CYP2B6: variants seen among roughly 807,000 people sequenced by gnomAD.
CYP2B6 encodes cytochrome P450 family 2 subfamily B member 6, also known as cytochrome P450 2B6.
CYP2B6 carries 35 observed loss-of-function variants against 43.4 expected under a neutral mutation model. The ratio of observed to expected loss-of-function variants is 0.81; its 90% confidence interval spans 0.62 to 1.07. The LOEUF (loss-of-function observed/expected upper bound fraction) is 1.07, where lower values mean the gene tolerates loss of function less well. Ranked by LOEUF, CYP2B6 falls within the 50% of genes least tolerant of loss-of-function variation. CYP2B6 has a pLI of 0.00. For missense variants in CYP2B6, 624 were observed against 632.8 expected (o/e 0.99, Z 0.15); for synonymous variants, 239 against 239.2 (o/e 1.00, Z 0.01).
intron 1 of CYP2B6, among the ~76,000 whole-genome samples, chr19:41,002,966 T>A (rs1454747046): frequency 2.0e-5 from 3 of 152,164 alleles, no homozygotes; most frequent in Admixed American, 1.3e-4. Flanking sequence ...CTGTGGTTTG[T>A]TCTTTTTTGT....
At chr19:40,994,343 G>T (rs1237284836) in intron 1 of CYP2B6, among the ~76,000 whole-genome samples, 3 of 151,952 alleles carry the variant, frequency 2.0e-5, no homozygotes, top group East Asian at 3.9e-4. Context: ...TGGAAAAGAG[G>T]GTCACCTACT....
At chr19:40,993,966 A>G (rs750381830) in intron 1 of CYP2B6, among the ~76,000 whole-genome samples, 2 of 151,984 alleles carry the variant, frequency 1.3e-5, no homozygotes, top group Non-Finnish European at 2.9e-5. Flanking sequence ...CAGTTTGGAG[A>G]GTGGCTTCTA....
chr19:41,011,060 A>G (rs1396217465), intron 6 of CYP2B6, among the ~76,000 whole-genome samples: 1 of 152,196 alleles, frequency 6.6e-6, no homozygotes, highest in African/African-American at 2.4e-5. Flanking sequence ...TTGATCCACA[A>G]GTTGATCCTT....
intron 2 of CYP2B6, 65 bp downstream of exon 2, chr19:41,004,228 G>A (rs1969140411): frequency 1.2e-6 from 2 of 1,612,354 alleles, no homozygotes; most frequent in African/African-American, 2.7e-5. Flanking sequence ...GAGTATATGG[G>A]AGGAAGAAGG....
intron 1 of CYP2B6, among the ~76,000 whole-genome samples, chr19:40,995,106 T>A (rs1369510643): frequency 6.6e-6 from 1 of 152,106 alleles, no homozygotes; most frequent in Admixed American, 6.5e-5. Flanking sequence ...GTCCTATGGA[T>A]TTTCTTGTAA....
At position 41,012,350 on chromosome 19, in the gene CYP2B6, G is replaced by A. The variant is rs142806708; in HGVS notation, c.1017G>A (p.Glu339=). 2.4e-4 allele frequency: 390 copies of A among 1,614,050 alleles called. No homozygotes were observed. The African/African-American group carries it at 4.3e-3, about 18-fold the overall frequency. ...TGATTGGCCCACATCGCCCTCCAGA[G>A]CTTCATGACCGAGCCAAAATGCCAT... The part of the protein sequence containing the change: ...EQVIGPHRPP[E]LHDRAKMPYT... The change falls in exon 7 of 9, where the codon GAG becomes GAA. Residue 339 remains glutamate (E), a synonymous_variant. Transcript: ENST00000324071.
intron 1 of CYP2B6, among the ~76,000 whole-genome samples, chr19:41,000,714 G>A (rs1286817691): frequency 6.6e-6 from 1 of 152,088 alleles, no homozygotes; most frequent in African/African-American, 2.4e-5. Flanking sequence ...AACTACCTGT[G>A]GACAAGATGA....
At chr19:41,003,884 G>C in intron 1 of CYP2B6, 117 bp from the exon 2 acceptor site, 9 of 1,395,778 alleles carry the variant, frequency 6.4e-6, no homozygotes, top group Non-Finnish European at 9.0e-6. Context: ...GGGCAGCCTG[G>C]GGAGGCGGAT....
intron 4 of CYP2B6, 131 bp downstream of exon 4, chr19:41,007,196 A>G: frequency 4.4e-6 from 4 of 912,602 alleles, no homozygotes; most frequent in East Asian, 2.4e-5. Flanking sequence ...CATGTGAAGA[A>G]TCAGGGACAT....
At chr19:40,999,458 G>A (rs922443911) in intron 1 of CYP2B6, among the ~76,000 whole-genome samples, 21 of 151,986 alleles carry the variant, frequency 1.4e-4, no homozygotes, top group African/African-American at 2.7e-4. Flanking sequence ...GTCTTTTGTT[G>A]CCATTGGTTT....
Position 41,009,648 on chromosome 19 carries a change from G to GGA in CYP2B6, c.822+264_822+265dup, listed in dbSNP as rs531329710. On this transcript the variant is annotated intron_variant, in intron 5 of 8. Transcript: ENST00000324071. ...TGGGAAGACAGAATGAAAGACAGAGGGAGAGAGAGAGAAGACTGGCTGAGG... is the reference window on the plus strand; with the variant it reads ...TGGGAAGACAGAATGAAAGACAGAGGGAGAGAGAGAGAGAAGACTGGCTGAGG... 11 of 611,750 alleles carry GGA rather than the reference G, an allele frequency of 1.8e-5. No individual in the cohort carries two copies. In the South Asian group the frequency reaches 2.2e-4, roughly 12 times the overall value. The allele number at this position is 611,750 out of a possible 1,614,324, so 37.9% of individuals were successfully genotyped here.
intron 1 of CYP2B6, among the ~76,000 whole-genome samples, chr19:40,997,153 G>A (rs987172091): frequency 3.9e-5 from 6 of 152,050 alleles, no homozygotes; most frequent in Non-Finnish European, 7.3e-5. Flanking sequence ...ACTAGCCCAT[G>A]TCAGTGCCAG....
intron 6 of CYP2B6, among the ~76,000 whole-genome samples, chr19:41,010,391 T>G (rs979275563): frequency 1.3e-5 from 2 of 150,808 alleles, no homozygotes; most frequent in African/African-American, 4.9e-5. Flanking sequence ...TGTTTGTTTG[T>G]TTGTTTTTTG....
intron 1 of CYP2B6, among the ~76,000 whole-genome samples, chr19:40,996,069 C>T (rs1243662289): frequency 3.9e-5 from 6 of 152,108 alleles, no homozygotes; most frequent in Admixed American, 1.3e-4. Context: ...CTTATCGGTC[C>T]GGTGACCCTG....
At chr19:41,005,488 C>CG (rs1555792805) in intron 3 of CYP2B6, among the ~76,000 whole-genome samples, 10 of 144,164 alleles carry the variant, frequency 6.9e-5, no homozygotes, top group African/African-American at 2.6e-4. Flanking sequence ...GGGACCAAAA[C>CG]AAAAAAATAT....
At chr19:41,010,580 A>AT (rs1437764903) in intron 6 of CYP2B6, among the ~76,000 whole-genome samples, 1 of 151,654 alleles carries the variant, frequency 6.6e-6, no homozygotes, top group Admixed American at 6.6e-5. Context: ...CACCCGGCTA[A>AT]TTTTTTGTGT....
Position 41,012,741 on chromosome 19 carries a change from C to T in CYP2B6, c.1220C>T (p.Ala407Val). The T allele has an allele frequency of 1.2e-6, 2 of 1,614,112 alleles. No homozygotes were observed. Among genetic ancestry groups the T allele is most frequent in the Non-Finnish European group, 1.7e-6 (2 of 1,180,028 alleles). The change falls in exon 8 of 9, where the codon GCC becomes GTC. Residue 407 changes from alanine to valine, a missense_variant. Ala to Val is a moderately conservative substitution (Grantham distance 64). Transcript: ENST00000324071. ...HDPHYFEKPD[A>V]FNPDHFLDAN... ...CCACACTACTTTGAAAAACCAGACGCCTTCAATCCTGACCACTTTCTGGAT... is the reference window on the plus strand; with the variant it reads ...CCACACTACTTTGAAAAACCAGACGTCTTCAATCCTGACCACTTTCTGGAT...
intron 1 of CYP2B6, among the ~76,000 whole-genome samples, chr19:40,992,686 A>C (rs35950631): frequency 0.081 from 12,241 of 151,984 alleles, 1,666 homozygotes; most frequent in African/African-American, 0.28. Context: ...CGCCCAGCTA[A>C]TTTTTGTATT....
At chr19:41,013,760 T>C (rs1429225327) in intron 8 of CYP2B6, among the ~76,000 whole-genome samples, 1 of 151,754 alleles carries the variant, frequency 6.6e-6, no homozygotes, top group African/African-American at 2.4e-5. Flanking sequence ...CAAATTAAAC[T>C]TAGCAGAGTC....
Sources: allele counts gnomAD v4.1 joint callset (sites outside exome capture counted in the v4.1 genomes callset), GRCh38; gene constraint gnomAD v4.1.1; transcripts MANE v1.5; gene names NCBI Gene and HGNC (gene_info 2026-07-23, HGNC 2026-07-21).